HLCS: variants seen among roughly 807,000 people sequenced by gnomAD.
The protein encoded by HLCS is biotin--protein ligase.
HLCS carries 53 observed loss-of-function variants against 75.0 expected under a neutral mutation model. The ratio of observed to expected loss-of-function variants is 0.71; its 90% confidence interval spans 0.57 to 0.89. The LOEUF is 0.89. Among genes scored for constraint, HLCS ranks in the 40% least tolerant of loss-of-function variants. The pLI is 0.00. For synonymous variants in HLCS, 431 were observed against 428.6 expected (o/e 1.01, Z -0.07); for missense variants, 966 against 1,074.0 (o/e 0.90, Z 1.41).
chr21:36,954,779 A>C (rs530345600), intron 2 of HLCS, among the ~76,000 whole-genome samples: 5 of 151,448 alleles, frequency 3.3e-5, no homozygotes, highest in Admixed American at 6.6e-5. Context: ...AACAAAAAAA[A>C]CAGCTGGGTG....
At chr21:36,789,910 C>T (rs78697674) in intron 6 of HLCS, among the ~76,000 whole-genome samples, 1,685 of 152,120 alleles carry the variant, frequency 0.011, 21 homozygotes, top group Non-Finnish European at 0.016. Flanking sequence ...ATGAACTTTC[C>T]GATGTATCTG....
At chr21:36,782,849 T>C (rs554919316) in intron 6 of HLCS, among the ~76,000 whole-genome samples, 2 of 152,032 alleles carry the variant, frequency 1.3e-5, no homozygotes, top group African/African-American at 4.8e-5. Context: ...CTGAGCATAG[T>C]GGCAGGCACC....
At chr21:36,965,895 C>T (rs1428618979) in intron 1 of HLCS, among the ~76,000 whole-genome samples, 1 of 150,982 alleles carries the variant, frequency 6.6e-6, no homozygotes, top group African/African-American at 2.4e-5. Flanking sequence ...GGACTACAGG[C>T]GCGTGCCACC....
intron 6 of HLCS, among the ~76,000 whole-genome samples, chr21:36,808,982 G>A (rs1052637208): frequency 3.9e-5 from 6 of 152,170 alleles, no homozygotes; most frequent in Non-Finnish European, 7.3e-5. Flanking sequence ...GGGAGGCTGA[G>A]GCAAGCGGAT....
chr21:36,892,078 A>C (rs1359287221), intron 6 of HLCS, among the ~76,000 whole-genome samples: 1 of 152,214 alleles, frequency 6.6e-6, no homozygotes, highest in East Asian at 1.9e-4. Flanking sequence ...ACATGGAACC[A>C]ATCAGAAGCA....
intron 6 of HLCS, among the ~76,000 whole-genome samples, chr21:36,848,957 T>G (rs1006053873): frequency 6.6e-6 from 1 of 152,208 alleles, no homozygotes; most frequent in Non-Finnish European, 1.5e-5. Flanking sequence ...AATTTGCTTC[T>G]TAGTTAATGA....
At chr21:36,803,754 GA>G (rs34392668) in intron 6 of HLCS, among the ~76,000 whole-genome samples, 138,283 of 142,966 alleles carry the variant, frequency 0.97, 66,854 homozygotes, top group South Asian at 0.98. Flanking sequence ...TTTTTTTATT[GA>G]AAAAAAAAAA....
At chr21:36,771,089 G>A (rs888939093) in intron 6 of HLCS, among the ~76,000 whole-genome samples, 16 of 151,972 alleles carry the variant, frequency 1.1e-4, no homozygotes, top group African/African-American at 3.9e-4. Flanking sequence ...GCATGGTGGC[G>A]GGTGCCTGTA....
Position 36,845,720 on chromosome 21 carries a change from C to A in HLCS, c.1892+51140G>T, listed in dbSNP as rs190896225. ...AGCTCAACATTACTAGGTCATTTCTCTTAAAGCTGCACGTGTAATCGTTAC... is the reference window on the plus strand; with the variant it reads ...AGCTCAACATTACTAGGTCATTTCTATTAAAGCTGCACGTGTAATCGTTAC... On this transcript the variant is annotated intron_variant, in intron 6 of 10. Transcript: ENST00000674895. Among the ~76,000 whole-genome samples, 3 of 152,254 alleles carry A rather than the reference C, an allele frequency of 2.0e-5. No homozygotes were observed. In the East Asian group the frequency reaches 5.8e-4, roughly 29 times the overall value.
At chr21:36,858,576 C>T (rs1373326124) in intron 6 of HLCS, among the ~76,000 whole-genome samples, 1 of 152,216 alleles carries the variant, frequency 6.6e-6, no homozygotes, top group East Asian at 1.9e-4. Context: ...AGCAAAGTTC[C>T]TGACTTTGTA....
At chr21:36,900,172 A>T (rs1458177111) in intron 5 of HLCS, among the ~76,000 whole-genome samples, 1 of 152,146 alleles carries the variant, frequency 6.6e-6, no homozygotes, top group Non-Finnish European at 1.5e-5. Flanking sequence ...CAATACACAG[A>T]ATGTTAGAGA....
chr21:36,784,420 A>G (rs543038097), intron 6 of HLCS, among the ~76,000 whole-genome samples: 1 of 151,068 alleles, frequency 6.6e-6, no homozygotes, highest in South Asian at 2.1e-4. Flanking sequence ...GGTTCGAGCA[A>G]TTCTCGTGCC....
chr21:36,777,424 C>T lies in HLCS; in HGVS notation c.1893-10139G>A, dbSNP rs549709946. On this transcript the variant is annotated intron_variant, in intron 6 of 10. Coordinates refer to ENST00000674895, the MANE Select transcript of HLCS (RefSeq NM_001352514.2). ...GCACGAAAACTGGCAGCAGGCCAGA[C>T]TCGGCCCAAGGGCCAAACTTTGCCA... Among the ~76,000 whole-genome samples, 3 of 152,392 alleles carry T rather than the reference C, an allele frequency of 2.0e-5. No individual in the cohort carries two copies. The East Asian group carries it at 5.8e-4, about 29-fold the overall frequency.
At chr21:36,809,046 T>C (rs1403680568) in intron 6 of HLCS, among the ~76,000 whole-genome samples, 1 of 152,042 alleles carries the variant, frequency 6.6e-6, no homozygotes, top group Non-Finnish European at 1.5e-5. Flanking sequence ...AGACCCTGTC[T>C]CTACTAAAAA....
At chr21:36,885,524 AG>A (rs1384198526) in intron 6 of HLCS, among the ~76,000 whole-genome samples, 5 of 151,884 alleles carry the variant, frequency 3.3e-5, no homozygotes, top group Non-Finnish European at 7.4e-5. Flanking sequence ...AAAAAAAAAA[AG>A]ATACACATAT....
chr21:36,902,001 C>A (rs2065256261), intron 5 of HLCS, among the ~76,000 whole-genome samples: 1 of 152,000 alleles, frequency 6.6e-6, no homozygotes. Flanking sequence ...GCGGGAGTCT[C>A]CTGACTCCAG....
At chr21:36,786,289 T>C (rs1459395279) in intron 6 of HLCS, among the ~76,000 whole-genome samples, 2 of 152,106 alleles carry the variant, frequency 1.3e-5, no homozygotes, top group African/African-American at 2.4e-5. Flanking sequence ...TAAGCTTTTT[T>C]TTTTTTTAAA....
chr21:36,761,241 A>C (rs575608108), intron 8 of HLCS, among the ~76,000 whole-genome samples: 1 of 152,284 alleles, frequency 6.6e-6, no homozygotes, highest in South Asian at 2.1e-4. Flanking sequence ...ACGGAGCTAA[A>C]ATTCAAACCT....
chr21:36,763,227 G>A (rs1489651666), intron 8 of HLCS, among the ~76,000 whole-genome samples: 1 of 152,162 alleles, frequency 6.6e-6, no homozygotes, highest in African/African-American at 2.4e-5. Context: ...GTTTCACCAT[G>A]TTGGCCAGGC....
Sources: gnomAD v4.1 joint callset for allele counts (sites outside exome capture counted in the v4.1 genomes callset) on GRCh38, gnomAD v4.1.1 for gene constraint, MANE v1.5 for transcripts, NCBI Gene and HGNC (gene_info 2026-07-23, HGNC 2026-07-21) for gene names.